PCGF3: variants seen among roughly 807,000 people sequenced by gnomAD.
PCGF3 encodes the protein polycomb group ring finger 3.
PCGF3 carries 7 observed loss-of-function variants against 33.1 expected under a neutral mutation model. The ratio of observed to expected loss-of-function variants is 0.21; its 90% confidence interval spans 0.12 to 0.40. PCGF3 has a LOEUF of 0.40. Ranked by LOEUF, PCGF3 falls within the 10% of genes least tolerant of loss-of-function variation. The pLI is 1.00. For missense variants in PCGF3, 211 were observed against 313.3 expected, an observed-to-expected ratio of 0.67 and a Z score of 2.46; for synonymous variants, 153 against 121.3, an observed-to-expected ratio of 1.26 and a Z score of -1.72.
chr4:724,990 C>G (rs926206119), intron 1 of PCGF3: 1 of 151,988 alleles, frequency 6.6e-6, no homozygotes, highest in Non-Finnish European at 1.5e-5. Context: ...AAAGAAATTA[C>G]TGTCTTAGTG....
At chr4:737,630 G>A (rs903521281) in intron 6 of PCGF3, 109 bp downstream of exon 6, 6 of 718,416 alleles carry the variant, frequency 8.4e-6, no homozygotes, top group East Asian at 2.5e-5. Context: ...CCTTTTGGCC[G>A]AATCACCGTC....
intron 1 of PCGF3, among the ~76,000 whole-genome samples, chr4:707,311 C>G (rs1370408521): frequency 6.6e-6 from 1 of 152,094 alleles, no homozygotes; most frequent in Non-Finnish European, 1.5e-5. Flanking sequence ...AGAATAGATC[C>G]CCCAGGAAGG....
At chr4:734,572 A>G in intron 4 of PCGF3, 1 of 1,165,618 alleles carries the variant, frequency 8.6e-7, no homozygotes. Flanking sequence ...TGTACGTAGA[A>G]GATACTGTCA....
intron 1 of PCGF3, among the ~76,000 whole-genome samples, chr4:719,662 G>A (rs547238118): frequency 1.3e-5 from 2 of 152,378 alleles, no homozygotes; most frequent in African/African-American, 4.8e-5. Context: ...GGTGCTGAGG[G>A]CTACAGTGGA....
rs545732154 is a variant in PCGF3, at chr4:716,858, T to C, written c.-190+10888T>C. ...CGGTGCTGGGACCCTCTAGACACTGTGAGTGTGAGAACTGGGCGTCGGTGC... is the reference window on the plus strand; with the variant it reads ...CGGTGCTGGGACCCTCTAGACACTGCGAGTGTGAGAACTGGGCGTCGGTGC... On this transcript the variant is annotated intron_variant, in intron 1 of 10. Transcript: ENST00000362003. Among the ~76,000 whole-genome samples, 239 of 114,482 alleles carry C rather than the reference T, an allele frequency of 2.1e-3. 6 individuals are homozygous for C. Among genetic ancestry groups the C allele is most frequent in the Admixed American group, 0.017 (184 of 10,736 alleles). 75.1% of individuals were successfully genotyped at this position (114,482 alleles called of 152,430 possible).
At chr4:747,923 A>G (rs548505876) in intron 8 of PCGF3, among the ~76,000 whole-genome samples, 4 of 152,170 alleles carry the variant, frequency 2.6e-5, no homozygotes, top group Admixed American at 6.5e-5. Context: ...CTTAGGGTAA[A>G]GCATGGCAGA....
At position 720,987 on chromosome 4, in the gene PCGF3, GGA is replaced by G. The variant is rs1743054953; in HGVS notation, c.-189-9641_-189-9640del. ...TCCAGGGAGTGGCCGAGGACAGCAA[GGA>G]GGAGATGACCCCATGGGCAAGCAGG... On this transcript the variant is annotated intron_variant, in intron 1 of 10. Coordinates refer to ENST00000362003, the Ensembl canonical transcript of PCGF3. This position sits in a 1 kb window ranked among gnomAD's most constrained non-coding sequence, Gnocchi z 5.6. Among the ~76,000 whole-genome samples the G allele has an allele frequency of 6.6e-6, 1 of 152,158 alleles. No individual in the cohort carries two copies. The highest frequency in any genetic ancestry group is 2.1e-4 in the South Asian group (1 of 4,830).
intron 9 of PCGF3, 111 bp from the exon 10 acceptor site, chr4:764,873 C>T (rs537175921): frequency 1.6e-4 from 109 of 699,480 alleles, no homozygotes; most frequent in South Asian, 6.9e-4. Context: ...TCTCTAGGCA[C>T]GTTCTTGCAT....
At chr4:736,540 G>A (rs1396196986) in intron 5 of PCGF3, among the ~76,000 whole-genome samples, 20 of 129,890 alleles carry the variant, frequency 1.5e-4, no homozygotes, top group East Asian at 4.5e-4. Context: ...AGGATGCAGG[G>A]AACCTGGGGT....
chr4:737,663 A>G lies in PCGF3; in HGVS notation c.262+142A>G. On this transcript the variant is annotated intron_variant, in intron 6 of 10. Coordinates refer to ENST00000362003, the Ensembl canonical transcript of PCGF3. The stretch of plus-strand genomic sequence containing the variant: ...GTCTTCTCATCCCTGCTCTCAGCCC[A>G]ACTTCATCTCCTTGGCTGGTCTCTT... 3 of 638,688 alleles carry G rather than the reference A, an allele frequency of 4.7e-6. No homozygotes were observed. The East Asian group carries it at 8.1e-5, about 17-fold the overall frequency. 39.6% of individuals were successfully genotyped at this position (638,688 alleles called of 1,614,324 possible).
At chr4:749,433 G>T (rs1234426810) in intron 8 of PCGF3, among the ~76,000 whole-genome samples, 3 of 142,992 alleles carry the variant, frequency 2.1e-5, no homozygotes, top group African/African-American at 5.2e-5. Context: ...CAAAGTTCTA[G>T]AATTACAGGC....
chr4:730,465 G>C (rs1040287855), intron 1 of PCGF3, among the ~76,000 whole-genome samples, 165 bp from the exon 2 acceptor site: 1 of 152,080 alleles, frequency 6.6e-6, no homozygotes, highest in Non-Finnish European at 1.5e-5. Context: ...AGACCAGCCC[G>C]TGTCTCCCGG....
chr4:759,965 C>T lies in PCGF3; in HGVS notation c.463-1314C>T, dbSNP rs574400850. Reference sequence around the variant, plus strand: ...GTCTTTCTCCCCACGGCCTCTCTCCCGAGTTCTCTCTCCAGACTCCCGGAT... The same window carrying T: ...GTCTTTCTCCCCACGGCCTCTCTCCTGAGTTCTCTCTCCAGACTCCCGGAT... On this transcript the variant is annotated intron_variant, in intron 8 of 10. Transcript: ENST00000362003. Among the ~76,000 whole-genome samples, 8 of 152,174 alleles carry T rather than the reference C, an allele frequency of 5.3e-5. 1 individual carries two copies. Among genetic ancestry groups the T allele is most frequent in the Non-Finnish European group, 7.3e-5 (5 of 68,032 alleles).
At chr4:755,443 G>T (rs1341399915) in intron 8 of PCGF3, among the ~76,000 whole-genome samples, 1 of 152,150 alleles carries the variant, frequency 6.6e-6, no homozygotes, top group Non-Finnish European at 1.5e-5. Flanking sequence ...GAGCTGCAGG[G>T]CTACCTCCTC....
chr4:718,691 C>T (rs1318932869), intron 1 of PCGF3, among the ~76,000 whole-genome samples: 1 of 152,124 alleles, frequency 6.6e-6, no homozygotes, highest in Non-Finnish European at 1.5e-5. Flanking sequence ...CAGGCAACAC[C>T]CTGAGTGGGG....
intron 6 of PCGF3, among the ~76,000 whole-genome samples, chr4:743,188 A>C (rs1442641972): frequency 1.3e-5 from 2 of 152,142 alleles, no homozygotes; most frequent in Non-Finnish European, 2.9e-5. Context: ...GGTGGGGATG[A>C]CAGTCCCGCA....
At chr4:735,152 C>G (rs1560205929) in intron 5 of PCGF3, 125 bp downstream of exon 5, 1 of 1,052,442 alleles carries the variant, frequency 9.5e-7, no homozygotes, top group Non-Finnish European at 1.4e-6. Context: ...CTCTCCTGAC[C>G]AAGGGCACCC....
At chr4:758,470 C>G (rs1388853562) in intron 8 of PCGF3, among the ~76,000 whole-genome samples, 1 of 140,566 alleles carries the variant, frequency 7.1e-6, no homozygotes, top group East Asian at 2.2e-4. Context: ...GGTCTTTCTT[C>G]CCGTGCGGCC....
exon 11 of PCGF3, chr4:768,216 TCAG>T (rs1435928079): frequency 1.3e-5 from 2 of 152,652 alleles, no homozygotes; most frequent in South Asian, 2.1e-4. Context: ...TGACAAAACC[TCAG>T]CAGCAGAAGT....
Sources: allele counts gnomAD v4.1 joint callset (sites outside exome capture counted in the v4.1 genomes callset), GRCh38; gene constraint gnomAD v4.1.1; non-coding constraint Gnocchi (gnomAD v3.1); transcripts MANE v1.5; gene names NCBI Gene and HGNC (gene_info 2026-07-23, HGNC 2026-07-21).